TMEM132C: variants seen among roughly 807,000 people sequenced by gnomAD.
TMEM132C encodes the protein protein phosphatase 1, regulatory subunit 152.
Under a neutral mutation model 61.4 loss-of-function variants are expected in TMEM132C, and 29 were observed. The ratio of observed to expected loss-of-function variants is 0.47; its 90% CI spans 0.35 to 0.64. The LOEUF (loss-of-function observed/expected upper bound fraction) is 0.64, where lower values mean the gene tolerates loss of function less well. Among genes scored for constraint, TMEM132C ranks in the 30% least tolerant of loss-of-function variants. The pLI, the probability that TMEM132C is intolerant of heterozygous loss-of-function variation, is 0.00. For missense variants in TMEM132C, 1,408 were observed against 1,476.9 expected (o/e 0.95, Z 0.76); for synonymous variants, 656 against 633.1 (o/e 1.04, Z -0.54).
In TMEM132C at chr12:128,272,521, A is replaced by G. The variant is rs553830390; in HGVS notation, c.85+5034A>G. ...ACATATATTTTCATTTCTCCTGAGTAACTAGCTAGGATTGGGATTGCTAGG... is the reference window on the plus strand; with the variant it reads ...ACATATATTTTCATTTCTCCTGAGTGACTAGCTAGGATTGGGATTGCTAGG... On this transcript the variant is annotated intron_variant, in intron 1 of 8. Coordinates refer to ENST00000435159, the MANE Select transcript of TMEM132C (RefSeq NM_001136103.3). Among the ~76,000 whole-genome samples the G allele has an allele frequency of 2.0e-5, 3 of 152,340 alleles. No individual in the cohort carries two copies. In the South Asian group the frequency reaches 6.2e-4, roughly 32 times the overall value.
intron 2 of TMEM132C, among the ~76,000 whole-genome samples, chr12:128,446,574 C>T (rs548492872): frequency 3.3e-5 from 5 of 152,338 alleles, no homozygotes; most frequent in African/African-American, 7.2e-5. Flanking sequence ...CACCTATTGA[C>T]TGGAGTCAAT....
Position 128,518,638 on chromosome 12 carries a change from T to G in TMEM132C, c.975-25319T>G, listed in dbSNP as rs116270438. ...TGTAAATTTTTAAAAGCATTCCATA[T>G]AAAAGTAATACTTCTTTTGATCTTC... is the stretch of plus-strand genomic sequence containing the variant. On this transcript the variant is annotated intron_variant, in intron 2 of 8. Coordinates refer to ENST00000435159, the MANE Select transcript of TMEM132C (RefSeq NM_001136103.3). 5.1e-3 allele frequency among the ~76,000 whole-genome samples: 777 copies of G among 152,376 alleles called. 6 individuals carry two copies. Among genetic ancestry groups the G allele is most frequent in the African/African-American group, 0.018 (754 of 41,588 alleles).
At chr12:128,281,957 A>G (rs1167945966) in intron 1 of TMEM132C, among the ~76,000 whole-genome samples, 3 of 152,182 alleles carry the variant, frequency 2.0e-5, no homozygotes, top group Non-Finnish European at 4.4e-5. Flanking sequence ...GACTTTGAAC[A>G]TTGGAGTTGG....
chr12:128,489,252 C>G (rs1355194238), intron 2 of TMEM132C, among the ~76,000 whole-genome samples: 11 of 152,058 alleles, frequency 7.2e-5, no homozygotes. Context: ...AGGATGCCAA[C>G]TACTAAGCGG....
At chr12:128,282,557 C>A (rs1471542911) in intron 1 of TMEM132C, among the ~76,000 whole-genome samples, 2 of 152,196 alleles carry the variant, frequency 1.3e-5, no homozygotes, top group East Asian at 3.9e-4. Context: ...CCTCATGATC[C>A]AGTCACCTCC....
At chr12:128,352,064 A>G (rs1406297983) in intron 1 of TMEM132C, among the ~76,000 whole-genome samples, 1 of 152,138 alleles carries the variant, frequency 6.6e-6, no homozygotes, top group Non-Finnish European at 1.5e-5. Flanking sequence ...CTTTTGTTGT[A>G]TTCAGGTCTT....
chr12:128,501,388 C>T (rs1014696753), intron 2 of TMEM132C, among the ~76,000 whole-genome samples: 3 of 152,200 alleles, frequency 2.0e-5, no homozygotes, highest in African/African-American at 7.2e-5. Flanking sequence ...CTGCCATCCA[C>T]CTGCATCCCT....
intron 1 of TMEM132C, among the ~76,000 whole-genome samples, chr12:128,268,302 T>A (rs1870385153): frequency 6.6e-6 from 1 of 152,176 alleles, no homozygotes; most frequent in South Asian, 2.1e-4. Flanking sequence ...AAGGTAGCCG[T>A]GTGGTTTTTC....
intron 1 of TMEM132C, among the ~76,000 whole-genome samples, chr12:128,331,108 C>G (rs1872655585): frequency 6.6e-6 from 1 of 151,116 alleles, no homozygotes; most frequent in Non-Finnish European, 1.5e-5. Context: ...GCCCCCCAGT[C>G]CCTTGTTACT....
At chr12:128,604,104 G>T (rs1876304938) in intron 3 of TMEM132C, among the ~76,000 whole-genome samples, 1 of 152,220 alleles carries the variant, frequency 6.6e-6, no homozygotes, top group Admixed American at 6.5e-5. Context: ...CAAGGAGCTT[G>T]TATGAGTCAG....
chr12:128,659,171 TTTTC>T (rs1365264898), intron 4 of TMEM132C, among the ~76,000 whole-genome samples: 5 of 152,234 alleles, frequency 3.3e-5, no homozygotes, highest in African/African-American at 1.2e-4. Context: ...ATTGTTTTTC[TTTTC>T]TTTCTTTTTT....
chr12:128,631,501 T>A (rs1954064818), intron 4 of TMEM132C, among the ~76,000 whole-genome samples: 1 of 152,212 alleles, frequency 6.6e-6, no homozygotes, highest in South Asian at 2.1e-4. Flanking sequence ...GGGGCTACTT[T>A]TTTTCAGATT....
chr12:128,588,430 A>G (rs1487214336), intron 3 of TMEM132C, among the ~76,000 whole-genome samples: 1 of 152,198 alleles, frequency 6.6e-6, no homozygotes, highest in Non-Finnish European at 1.5e-5. Context: ...AAGCTGACTC[A>G]AAAACAAAAT....
chr12:128,624,789 C>T (rs1391422125), intron 4 of TMEM132C, among the ~76,000 whole-genome samples: 2 of 152,080 alleles, frequency 1.3e-5, no homozygotes, highest in Non-Finnish European at 2.9e-5. Flanking sequence ...CACTAGAAAC[C>T]TGACTGTTAC....
Position 128,460,927 on chromosome 12 carries a change from C to T in TMEM132C, c.974+45307C>T, listed in dbSNP as rs113070866. ...AGAGGCAGCCCCCAGCTACCCAGGG[C>T]TCAGGCCTGCCACGGTGACTTAACT... On this transcript the variant is annotated intron_variant, in intron 2 of 8. Coordinates refer to ENST00000435159, the MANE Select transcript of TMEM132C (RefSeq NM_001136103.3). Among the ~76,000 whole-genome samples, 961 of 152,240 alleles carry T rather than the reference C, an allele frequency of 6.3e-3. 9 individuals are homozygous for T. The highest frequency in any genetic ancestry group is 0.022 in the African/African-American group (897 of 41,540).
intron 2 of TMEM132C, among the ~76,000 whole-genome samples, chr12:128,513,839 A>G (rs567948375): frequency 6.6e-6 from 1 of 152,302 alleles, no homozygotes; most frequent in South Asian, 2.1e-4. Context: ...ATGGTCCAGG[A>G]TACAGAATTA....
rs1006076331 is a variant in TMEM132C, at chr12:128,414,881, G to A, written c.235G>A (p.Ala79Thr). ...QDLLRNSSLQ[A>T]RVESFFTYKT... is the part of the protein sequence containing the mutation. ...CCTGCTGCGGAACTCCAGCCTGCAG[G>A]CGAGGGTGGAGTCCTTCTTTACCTA... The change falls in exon 2 of 9, where the codon GCG becomes ACG. Residue 79 changes from alanine to threonine, a missense_variant. Coordinates refer to ENST00000435159, the MANE Select transcript of TMEM132C (RefSeq NM_001136103.3). 3 of 1,551,760 alleles carry A rather than the reference G, an allele frequency of 1.9e-6. No individual in the cohort carries two copies. Among genetic ancestry groups the A allele is most frequent in the Non-Finnish European group, 1.7e-6 (2 of 1,147,168 alleles).
chr12:128,397,778 G>C (rs1053992501), intron 1 of TMEM132C, among the ~76,000 whole-genome samples: 13 of 152,118 alleles, frequency 8.5e-5, no homozygotes, highest in African/African-American at 2.7e-4. Context: ...TAGGGTGCAA[G>C]TCTGCCCTCA....
intron 3 of TMEM132C, among the ~76,000 whole-genome samples, chr12:128,591,440 T>G (rs964109217): frequency 1.3e-5 from 2 of 152,194 alleles, no homozygotes; most frequent in Non-Finnish European, 2.9e-5. Flanking sequence ...TTCCTTTGTA[T>G]GGCGGAGTAA....
Sources: allele counts gnomAD v4.1 joint callset (sites outside exome capture counted in the v4.1 genomes callset), GRCh38; gene constraint gnomAD v4.1.1; transcripts MANE v1.5; gene names NCBI Gene and HGNC (gene_info 2026-07-23, HGNC 2026-07-21).